The following AKT1 variants were observed in gnomAD, a reference collection of about 807,000 sequenced individuals.
The protein encoded by AKT1 is RAC-alpha serine/threonine-protein kinase.
A neutral mutation model predicts 63.1 loss-of-function variants in AKT1; 21 were observed. The ratio of observed to expected loss-of-function variants is 0.33; its 90% CI spans 0.24 to 0.48. The LOEUF (loss-of-function observed/expected upper bound fraction) is 0.48. Ranked by LOEUF, AKT1 falls within the 20% of genes least tolerant of loss-of-function variation. The probability of loss-of-function intolerance (pLI) is 0.99; values close to 1 mark genes in which losing one functional copy is unlikely to be tolerated. For synonymous variants in AKT1, 257 were observed against 253.1 expected (o/e 1.02, Z -0.15); for missense variants, 382 against 666.0 (o/e 0.57, Z 4.69).
chr14:104,794,229 CA>C (rs1893773575), intron 1 of AKT1: 1 of 152,488 alleles, frequency 6.6e-6, no homozygotes, highest in Admixed American at 6.5e-5. Flanking sequence ...GCCTCAGGCA[CA>C]GGGGGCTCTG....
Position 104,769,553 on chromosome 14 carries a change from GCGT to G in AKT1, c.*785_*787del, listed in dbSNP as rs1167554548. On this transcript the variant is annotated 3_prime_UTR_variant, in exon 15 of 15. Transcript: ENST00000649815. Reference sequence around the variant, plus strand: ...CCTGGGGCGACAGCGGAAAGGTTAAGCGTCGAAAAGGTCAAGTGCTACCGTGGA... The same window carrying G: ...CCTGGGGCGACAGCGGAAAGGTTAAGCGAAAAGGTCAAGTGCTACCGTGGA... 1 of 533,980 alleles carries G rather than the reference GCGT, an allele frequency of 1.9e-6. No individual in the cohort carries two copies. The highest frequency in any genetic ancestry group is 1.5e-5 in the South Asian group (1 of 65,130). 33.1% of individuals were successfully genotyped at this position (533,980 alleles called of 1,614,324 possible).
At chr14:104,776,892 C>G in intron 4 of AKT1, 122 bp from the exon 5 acceptor site, 2 of 722,252 alleles carry the variant, frequency 2.8e-6, no homozygotes, top group Non-Finnish European at 4.6e-6. Flanking sequence ...TGGGAAGCCC[C>G]ATCTCTTCCT....
intron 3 of AKT1, among the ~76,000 whole-genome samples, chr14:104,790,240 C>A (rs1171079104): frequency 6.6e-6 from 1 of 152,242 alleles, no homozygotes; most frequent in African/African-American, 2.4e-5. Context: ...TGCGGGCCAG[C>A]CTCTGAGACA....
intron 6 of AKT1, 171 bp from the exon 7 acceptor site, chr14:104,775,378 A>G (rs2140920178): frequency 1.6e-6 from 2 of 1,278,742 alleles, no homozygotes; most frequent in East Asian, 2.5e-5. Flanking sequence ...TACAGGGAAC[A>G]CATGGCTGCG....
intron 3 of AKT1, among the ~76,000 whole-genome samples, chr14:104,790,218 A>T (rs1320672328): frequency 1.3e-5 from 2 of 152,206 alleles, no homozygotes; most frequent in Non-Finnish European, 2.9e-5. Context: ...GAGTCCCGGC[A>T]AAGGGGACAG....
rs988546358 is a variant in AKT1, at chr14:104,795,486, G to A, written c.-260C>T. The A allele has an allele frequency of 6.8e-6, 1 of 146,150 alleles. No individual in the cohort carries two copies. The highest frequency in any genetic ancestry group is 1.5e-5 in the Non-Finnish European group (1 of 65,738). 9.1% of individuals were successfully genotyped at this position (146,150 alleles called of 1,614,324 possible). A position where few individuals can be genotyped will look rare whatever the true frequency, so the allele number is the denominator to read the frequency against. The stretch of plus-strand genomic sequence containing the variant: ...GGCCACGGCGGGCGGGGACTCACCG[G>A]GCCGCCGCGTCCGGGCGCGAGCGCG... On this transcript the variant is annotated splice_region_variant and 5_prime_UTR_variant, in exon 1 of 15. Coordinates refer to ENST00000649815, the MANE Select transcript of AKT1 (RefSeq NM_001382430.1). The surrounding 1 kb of genome is among the most constrained non-coding windows in gnomAD (Gnocchi z 5.1).
intron 14 of AKT1, 116 bp from the exon 15 acceptor site, chr14:104,770,536 C>A (rs1341654555): frequency 3.5e-6 from 4 of 1,129,272 alleles, no homozygotes; most frequent in Non-Finnish European, 5.0e-6. Flanking sequence ...GCCATACTGC[C>A]AGGAAACTGA....
chr14:104,773,253 CG>C lies in AKT1; in HGVS notation c.954del (p.Glu319ArgfsTer24). The C allele has an allele frequency of 6.2e-7, 1 of 1,614,194 alleles. No homozygotes were observed. Among genetic ancestry groups the C allele is most frequent in the Non-Finnish European group, 8.5e-7 (1 of 1,180,010 alleles). ...TFCGTPEYLA[P>X]EVLEDNDYGR... ...ATGCACGCAGGTGGGGCGCACACCT[CG>C]GGGGCCAGGTACTCAGGTGTGCCGC... On this transcript the variant is annotated frameshift_variant, in exon 11 of 15. Transcript: ENST00000649815. LOFTEE classifies it high-confidence loss of function.
At chr14:104,775,838 T>C (rs1566818181) in intron 5 of AKT1, 39 bp from the exon 6 acceptor site, 1 of 1,603,104 alleles carries the variant, frequency 6.2e-7, no homozygotes, top group Admixed American at 1.7e-5. Flanking sequence ...CTGTACCAGA[T>C]CAGGAGCTCC....
intron 3 of AKT1, among the ~76,000 whole-genome samples, chr14:104,780,797 G>A (rs1004480532): frequency 4.1e-5 from 6 of 147,272 alleles, no homozygotes; most frequent in Non-Finnish European, 9.0e-5. Context: ...ACTGAGGGCC[G>A]GGCTCGCGGG....
At chr14:104,773,619 G>T (rs1892531657) in intron 9 of AKT1, 39 bp from the exon 10 acceptor site, 5 of 1,579,352 alleles carry the variant, frequency 3.2e-6, no homozygotes, top group Non-Finnish European at 1.7e-6. Context: ...CGTGGCTCGG[G>T]CCTCTGCCCC....
In AKT1 at chr14:104,770,778, C is replaced by T. The variant is rs2140890867; in HGVS notation, c.1330G>A (p.Ala444Thr). 1 of 1,614,112 alleles carries T rather than the reference C, an allele frequency of 6.2e-7. No homozygotes were observed. The highest frequency in any genetic ancestry group is 8.5e-7 in the Non-Finnish European group (1 of 1,180,016). ...DTRYFDEEFT[A>T]QMITITPPDQ... is the part of the protein sequence containing the mutation. ...GGTGGTGTGATGGTGATCATCTGGG[C>T]CGTGAACTCCTCATCAAAATACCTG... Residue 444 changes from alanine to threonine, a missense_variant, in exon 14 of 15, where the codon GCC becomes ACC. Around this residue, in one of 3 missense-constraint regions of AKT1, gnomAD observed 90 missense variants for 120.5 expected, o/e 0.75. Coordinates refer to ENST00000649815, the MANE Select transcript of AKT1 (RefSeq NM_001382430.1).
At chr14:104,774,032 C>A in intron 8 of AKT1, 52 bp from the exon 9 acceptor site, 1 of 1,551,350 alleles carries the variant, frequency 6.4e-7, no homozygotes, top group East Asian at 2.3e-5. Context: ...ACGGCAGCCC[C>A]GCACCACGCT....
Position 104,773,797 on chromosome 14 carries a change from C to G in AKT1, c.702+115G>C, listed in dbSNP as rs1446158289. 3 of 1,259,166 alleles carry G rather than the reference C, an allele frequency of 2.4e-6. No individual in the cohort carries two copies. In the African/African-American group the frequency reaches 4.5e-5, roughly 19 times the overall value. The allele number at this position is 1,259,166 out of a possible 1,614,324, so 78.0% of individuals were successfully genotyped here. A position where few individuals can be genotyped will look rare whatever the true frequency, so the allele number is the denominator to read the frequency against. On this transcript the variant is annotated intron_variant, in intron 9 of 14. Transcript: ENST00000649815. ...CTGGGCAGGCATCACACCACCCACC[C>G]AGCAGGGAGCACCGTCTGGTGCCAT... is the stretch of plus-strand genomic sequence containing the variant.
chr14:104,785,107 C>T (rs995262055), intron 3 of AKT1, among the ~76,000 whole-genome samples: 3 of 152,182 alleles, frequency 2.0e-5, no homozygotes, highest in South Asian at 2.1e-4. Context: ...CCACTGCCGA[C>T]ACATCCATCG....
chr14:104,781,373 C>T (rs1161111398), intron 3 of AKT1, among the ~76,000 whole-genome samples: 1 of 152,134 alleles, frequency 6.6e-6, no homozygotes. Flanking sequence ...CACCAGACCA[C>T]CCACCACCCA....
At chr14:104,775,365 G>T in intron 6 of AKT1, 158 bp from the exon 7 acceptor site, 1 of 1,352,716 alleles carries the variant, frequency 7.4e-7, no homozygotes, top group Admixed American at 2.4e-5. Context: ...GGGAGTCCAG[G>T]CTTACAGGGA....
At chr14:104,787,111 G>A (rs766374448) in intron 3 of AKT1, among the ~76,000 whole-genome samples, 8 of 152,122 alleles carry the variant, frequency 5.3e-5, no homozygotes, top group South Asian at 2.1e-4. Context: ...CCCAAAGCCC[G>A]CAACATTGGC....
chr14:104,776,343 TC>T, intron 5 of AKT1: 1 of 251,420 alleles, frequency 4.0e-6, no homozygotes, highest in Non-Finnish European at 7.7e-6. Flanking sequence ...GACGGGGGTT[TC>T]ACCATGTTGG....
Sources: allele counts gnomAD v4.1 joint callset (sites outside exome capture counted in the v4.1 genomes callset), GRCh38; gene constraint gnomAD v4.1.1; regional missense constraint gnomAD v4.1.1; non-coding constraint Gnocchi (gnomAD v3.1); transcripts MANE v1.5; gene names NCBI Gene and HGNC (gene_info 2026-07-23, HGNC 2026-07-21).